UVRAG: variants seen among roughly 807,000 people sequenced by gnomAD.
UVRAG encodes the protein UV radiation resistance-associated gene protein.
A neutral mutation model predicts 78.0 loss-of-function variants in UVRAG; 19 were observed. The ratio of observed to expected loss-of-function variants is 0.24; its 90% CI spans 0.17 to 0.36. The LOEUF is 0.36. Among genes scored for constraint, UVRAG ranks in the 10% least tolerant of loss-of-function variants. UVRAG has a pLI of 1.00. For synonymous variants in UVRAG, 323 were observed against 324.6 expected, an observed-to-expected ratio of 1.00 and a Z score of 0.05; for missense variants, 740 against 853.8, an observed-to-expected ratio of 0.87 and a Z score of 1.66.
intron 13 of UVRAG, among the ~76,000 whole-genome samples, chr11:76,076,870 A>G (rs1378014909): frequency 4.0e-5 from 6 of 151,140 alleles, no homozygotes; most frequent in Non-Finnish European, 7.4e-5. Flanking sequence ...TAAAAAAATT[A>G]GCAGGGTGTG....
At chr11:75,858,512 T>C (rs1280006925) in intron 2 of UVRAG, among the ~76,000 whole-genome samples, 1 of 152,224 alleles carries the variant, frequency 6.6e-6, no homozygotes, top group Non-Finnish European at 1.5e-5. Context: ...CTGGCTCCTA[T>C]TGGTGGACAC....
chr11:75,937,605 G>C (rs577129146), intron 6 of UVRAG, among the ~76,000 whole-genome samples: 1 of 152,104 alleles, frequency 6.6e-6, no homozygotes, highest in African/African-American at 2.4e-5. Context: ...TGTTTCCAGT[G>C]AGAAATCTGT....
At chr11:75,984,220 C>G (rs1037606861) in intron 8 of UVRAG, among the ~76,000 whole-genome samples, 15 of 152,218 alleles carry the variant, frequency 9.9e-5, no homozygotes, top group African/African-American at 3.6e-4. Flanking sequence ...AGCTCTCAGT[C>G]AGCCACATGA....
At chr11:76,078,915 C>G (rs1951449828) in intron 13 of UVRAG, among the ~76,000 whole-genome samples, 1 of 151,580 alleles carries the variant, frequency 6.6e-6, no homozygotes, top group Non-Finnish European at 1.5e-5. Context: ...GGCTACAGAG[C>G]AAGACTCTGT....
Position 76,016,895 on chromosome 11 carries a change from C to T in UVRAG, c.1141C>T (p.Pro381Ser), listed in dbSNP as rs1234701638. The part of the protein sequence containing the change: ...VSMISFFLQV[P>S]LRYPIIHKGS... The stretch of plus-strand genomic sequence containing the variant: ...CATGATTTCCTTTTTCCTACAAGTG[C>T]CCCTCAGATATCCTATAATTCATAA... The change falls in exon 12 of 15, where the codon CCC (proline) becomes TCC (serine). Residue 381 changes from proline (P) to serine (S), a missense_variant. Pro to Ser is a moderately conservative substitution (Grantham distance 74). Transcript: ENST00000356136. 1 of 1,612,384 alleles carries T rather than the reference C, an allele frequency of 6.2e-7. No individual in the cohort carries two copies. Among genetic ancestry groups the T allele is most frequent in the African/African-American group, 1.3e-5 (1 of 74,828 alleles).
intron 5 of UVRAG, among the ~76,000 whole-genome samples, chr11:75,905,806 T>G (rs1356181566): frequency 1.3e-5 from 2 of 152,196 alleles, no homozygotes; most frequent in African/African-American, 4.8e-5. Context: ...CTGTTTTCAG[T>G]CTTTTGGGTA....
chr11:75,875,616 CCTT>C (rs923292418), intron 3 of UVRAG, among the ~76,000 whole-genome samples: 2 of 149,062 alleles, frequency 1.3e-5, no homozygotes, highest in African/African-American at 5.0e-5. Flanking sequence ...TGTTTTTAAA[CCTT>C]TTTTTTTTTT....
chr11:76,003,177 G>C (rs1031392499), intron 8 of UVRAG, among the ~76,000 whole-genome samples: 1 of 148,960 alleles, frequency 6.7e-6, no homozygotes, highest in Non-Finnish European at 1.5e-5. Context: ...CCATAACTCA[G>C]ACTATCTGTC....
chr11:75,935,852 G>A (rs945406074), intron 6 of UVRAG, among the ~76,000 whole-genome samples: 7 of 152,088 alleles, frequency 4.6e-5, no homozygotes, highest in African/African-American at 1.7e-4. Context: ...ACCTTAACAT[G>A]TTACTGGCAT....
chr11:75,885,515 T>C (rs1247346398), intron 4 of UVRAG, among the ~76,000 whole-genome samples: 2 of 152,140 alleles, frequency 1.3e-5, no homozygotes, highest in African/African-American at 2.4e-5. Flanking sequence ...CAGTGTTTGG[T>C]GGATTTAGGC....
intron 12 of UVRAG, among the ~76,000 whole-genome samples, chr11:76,047,032 CTAACAA>C (rs1234558046): frequency 1.3e-5 from 2 of 152,172 alleles, no homozygotes; most frequent in Non-Finnish European, 2.9e-5. Context: ...TCTTTGCAAA[CTAACAA>C]TACAATTCAG....
At chr11:75,971,104 A>G (rs1949113739) in intron 7 of UVRAG, among the ~76,000 whole-genome samples, 1 of 152,220 alleles carries the variant, frequency 6.6e-6, no homozygotes, top group Admixed American at 6.5e-5. Flanking sequence ...TAGGAATCAC[A>G]CAGTATGTAG....
chr11:75,954,689 C>G (rs1948761676), intron 6 of UVRAG, among the ~76,000 whole-genome samples: 1 of 152,178 alleles, frequency 6.6e-6, no homozygotes, highest in Admixed American at 6.5e-5. Context: ...TCCTTTGTGC[C>G]ACATTCTGTG....
chr11:76,027,559 TCTC>T lies in UVRAG; in HGVS notation c.1226+10583_1226+10585del, dbSNP rs542549509. ...TATTGCTGAGTGACTGTGGCAATGTTCTCCTCTCTGAGTCTTGGTTCTCCTGGC... is the reference window on the plus strand; with the variant it reads ...TATTGCTGAGTGACTGTGGCAATGTTCTCTCTGAGTCTTGGTTCTCCTGGC... On this transcript the variant is annotated intron_variant, in intron 12 of 14. Transcript: ENST00000356136. 4.2e-3 allele frequency among the ~76,000 whole-genome samples: 644 copies of T among 152,220 alleles called. 3 individuals carry two copies. The highest frequency in any genetic ancestry group is 7.3e-3 in the Non-Finnish European group (494 of 67,984).
intron 12 of UVRAG, among the ~76,000 whole-genome samples, chr11:76,053,583 G>T (rs1211650469): frequency 6.6e-6 from 1 of 152,058 alleles, no homozygotes; most frequent in African/African-American, 2.4e-5. Context: ...CCTGGATTTT[G>T]CAATAACCTC....
At chr11:76,016,114 T>C (rs1306324825) in intron 11 of UVRAG, among the ~76,000 whole-genome samples, 2 of 152,186 alleles carry the variant, frequency 1.3e-5, no homozygotes, top group Non-Finnish European at 2.9e-5. Context: ...GTCTGTGGCT[T>C]TTTGAAAGCT....
intron 12 of UVRAG, among the ~76,000 whole-genome samples, chr11:76,036,128 A>G (rs754314233): frequency 6.6e-5 from 10 of 152,246 alleles, no homozygotes; most frequent in Non-Finnish European, 8.8e-5. Flanking sequence ...CAGAATATCT[A>G]TTTAATGTTT....
At chr11:76,094,175 T>C (rs1039884057) in intron 13 of UVRAG, among the ~76,000 whole-genome samples, 3 of 152,206 alleles carry the variant, frequency 2.0e-5, no homozygotes, top group African/African-American at 7.2e-5. Flanking sequence ...GATTTGTGTA[T>C]GTTGAACCAG....
chr11:75,993,801 A>C (rs558155136), intron 8 of UVRAG, among the ~76,000 whole-genome samples: 1 of 152,208 alleles, frequency 6.6e-6, no homozygotes, highest in Non-Finnish European at 1.5e-5. Context: ...CAGGCTGTAC[A>C]GGAAGCATGA....
Sources: gnomAD v4.1 joint callset for allele counts (sites outside exome capture counted in the v4.1 genomes callset) on GRCh38, gnomAD v4.1.1 for gene constraint, MANE v1.5 for transcripts, NCBI Gene and HGNC (gene_info 2026-07-23, HGNC 2026-07-21) for gene names.